The following ZNF43 variants were observed in gnomAD, a reference collection of about 807,000 sequenced individuals.
The protein encoded by ZNF43 is zinc finger protein 39-like 1 (KOX 27).
ZNF43 carries 44 observed loss-of-function variants against 68.4 expected under a neutral mutation model. That is an observed-to-expected ratio of 0.64 (90% confidence interval 0.51 to 0.83). The LOEUF (loss-of-function observed/expected upper bound fraction) is 0.83. ZNF43 is among the 40% of genes least tolerant of loss of function. The pLI is 0.00. For missense variants in ZNF43, 896 were observed against 933.2 expected, an observed-to-expected ratio of 0.96 and a Z score of 0.52; for synonymous variants, 308 against 307.8, an observed-to-expected ratio of 1.00 and a Z score of -0.01.
At chr19:21,833,729 A>G (rs889623303) in intron 1 of ZNF43, among the ~76,000 whole-genome samples, 2 of 151,712 alleles carry the variant, frequency 1.3e-5, no homozygotes, top group Admixed American at 1.3e-4. Flanking sequence ...ACCTAAAAAC[A>G]TTCTGAAAAA....
chr19:21,838,320 T>C (rs1967258673), upstream of ZNF43, among the ~76,000 whole-genome samples: 2 of 152,122 alleles, frequency 1.3e-5, no homozygotes, highest in Admixed American at 1.3e-4. Context: ...TCTTTCATTA[T>C]CAAGTGTAGA....
Position 21,808,040 on chromosome 19 carries a change from G to A in ZNF43, c.1997C>T (p.Thr666Ile). ...GKAFKWSSTL[T>I]KHKIIHTGEK... ...TCCAGTATGAATTATCTTATGTTTA[G>A]TAAGGGTTGAGGACCACTTAAAGGC... Residue 666 changes from threonine (T) to isoleucine (I), a missense_variant, in exon 4 of 4, where the codon ACT becomes ATT. Physicochemically the swap from Thr to Ile is moderately conservative, Grantham distance 89. Coordinates refer to ENST00000354959, the MANE Select transcript of ZNF43 (RefSeq NM_003423.4). The A allele has an allele frequency of 6.2e-7, 1 of 1,612,428 alleles. No homozygotes were observed. The highest frequency in any genetic ancestry group is 8.5e-7 in the Non-Finnish European group (1 of 1,179,796).
At chr19:21,837,409 CACTT>C (rs1967185669), upstream of ZNF43, among the ~76,000 whole-genome samples, 3 of 142,284 alleles carry the variant, frequency 2.1e-5, no homozygotes, top group Non-Finnish European at 3.0e-5. Flanking sequence ...CATTTGCCTA[CACTT>C]ACTTTTTTTT....
In ZNF43 at chr19:21,807,635, G is replaced by C; in HGVS notation, c.2402C>G (p.Thr801Arg). Residue 801 changes from threonine to arginine, a missense_variant, in exon 4 of 4, where the codon ACA becomes AGA. By Grantham distance (71) the Thr-to-Arg change is moderately conservative (BLOSUM62 -1). Coordinates refer to ENST00000354959, the MANE Select transcript of ZNF43 (RefSeq NM_003423.4). ...TTTTATGTTTGAAAAAGTTTGAGGTGTTGTCAAAATCACTGTCACATCTTC... is the reference window on the plus strand; with the variant it reads ...TTTTATGTTTGAAAAAGTTTGAGGTCTTGTCAAAATCACTGTCACATCTTC... ...KPEDVTVILTTPQTFSNIK is the reference protein window; with the variant it reads ...KPEDVTVILTRPQTFSNIK The C allele has an allele frequency of 1.3e-6, 2 of 1,556,394 alleles. No homozygotes were observed. The highest frequency in any genetic ancestry group is 2.4e-5 in the South Asian group (2 of 81,636).
intron 1 of ZNF43, among the ~76,000 whole-genome samples, chr19:21,846,928 G>A (rs2145421715): frequency 6.6e-6 from 1 of 152,302 alleles, no homozygotes; most frequent in South Asian, 2.1e-4. Context: ...TCAGTGCAGG[G>A]CCTAGCAATA....
chr19:21,837,415 C>CTTT (rs539940868), upstream of ZNF43, among the ~76,000 whole-genome samples: 226 of 83,982 alleles, frequency 2.7e-3, 31 homozygotes, highest in African/African-American at 8.4e-3. Context: ...CCTACACTTA[C>CTTT]TTTTTTTTTT....
At chr19:21,836,757 TATC>T (rs1012172865), upstream of ZNF43, among the ~76,000 whole-genome samples, 10 of 152,084 alleles carry the variant, frequency 6.6e-5, no homozygotes, top group African/African-American at 1.9e-4. Flanking sequence ...GCTAATTTGT[TATC>T]ATATTTTTAT....
chr19:21,819,309 A>G, intron 1 of ZNF43, 88 bp from the exon 2 acceptor site: 2 of 1,431,592 alleles, frequency 1.4e-6, no homozygotes, highest in Non-Finnish European at 1.9e-6. Flanking sequence ...AGGTAAAATG[A>G]GAGAGTAAAG....
chr19:21,843,666 G>A (rs1967696986), intron 1 of ZNF43, among the ~76,000 whole-genome samples: 1 of 152,132 alleles, frequency 6.6e-6, no homozygotes, highest in Non-Finnish European at 1.5e-5. Context: ...GCGGGCGCCT[G>A]TAATCCCAGC....
At chr19:21,850,328 C>T (rs1028391276) in intron 1 of ZNF43, among the ~76,000 whole-genome samples, 2 of 151,656 alleles carry the variant, frequency 1.3e-5, no homozygotes, top group South Asian at 2.1e-4. Context: ...TTCGGGAGGC[C>T]GAAGCAGGTG....
chr19:21,809,866 T>A lies in ZNF43; in HGVS notation c.230-59A>T, dbSNP rs1312582787. On this transcript the variant is annotated intron_variant, in intron 3 of 3. Coordinates refer to ENST00000354959, the MANE Select transcript of ZNF43 (RefSeq NM_003423.4). ...TGCTAGACTCAGAGATAAATATACTTTATGTAACATATAAAATCACACAAG... is the reference window on the plus strand; with the variant it reads ...TGCTAGACTCAGAGATAAATATACTATATGTAACATATAAAATCACACAAG... 16 of 1,421,666 alleles carry A rather than the reference T, an allele frequency of 1.1e-5. No individual in the cohort carries two copies. In the African/African-American group the frequency reaches 2.0e-4, roughly 18 times the overall value. The allele number at this position is 1,421,666 out of a possible 1,614,324, so 88.1% of individuals were successfully genotyped here.
Position 21,809,246 on chromosome 19 carries a change from C to A in ZNF43, c.791G>T (p.Gly264Val), listed in dbSNP as rs1206220906. ...RYKLYKCEEC[G>V]KAFNKSSILT... Reference sequence around the variant, plus strand: ...GATTGAGGACTTGTTAAAAGCTTTGCCACATTCTTCACATTTGTAGAGTTT... The same window carrying A: ...GATTGAGGACTTGTTAAAAGCTTTGACACATTCTTCACATTTGTAGAGTTT... Residue 264 changes from glycine to valine, a missense_variant, in exon 4 of 4, where the codon GGC becomes GTC. By Grantham distance (109) the Gly-to-Val change is moderately radical. Transcript: ENST00000354959. The A allele has an allele frequency of 6.2e-7, 1 of 1,613,014 alleles. No individual in the cohort carries two copies. The highest frequency in any genetic ancestry group is 1.1e-5 in the South Asian group (1 of 91,024).
chr19:21,815,296 C>G (rs1002516066), intron 3 of ZNF43, among the ~76,000 whole-genome samples: 1 of 151,772 alleles, frequency 6.6e-6, no homozygotes, highest in South Asian at 2.1e-4. Context: ...TTGGCATGAA[C>G]TGTACAGCAG....
At chr19:21,819,542 G>A (rs996807944) in intron 1 of ZNF43, among the ~76,000 whole-genome samples, 1 of 152,158 alleles carries the variant, frequency 6.6e-6, no homozygotes, top group Non-Finnish European at 1.5e-5. Context: ...TACAGAATCA[G>A]TTGCGAATAT....
chr19:21,837,206 T>C (rs528565913), upstream of ZNF43, among the ~76,000 whole-genome samples: 12 of 152,182 alleles, frequency 7.9e-5, no homozygotes, highest in African/African-American at 2.9e-4. Flanking sequence ...TCCCATGATA[T>C]AGTATTACTT....
At position 21,823,911 on chromosome 19, in the gene ZNF43, G is replaced by A. The variant is rs574454388; in HGVS notation, c.4-4690C>T. Among the ~76,000 whole-genome samples the A allele has an allele frequency of 3.3e-5, 5 of 152,168 alleles. No individual in the cohort carries two copies. In the South Asian group the frequency reaches 8.3e-4, roughly 25 times the overall value. On this transcript the variant is annotated intron_variant, in intron 1 of 3. Transcript: ENST00000354959. ...AGAAAATAGAACTGCCTGGCCAGGC[G>A]CAGTGGCTCACGAATGTAATCCCAG...
chr19:21,812,533 C>T (rs1167734789), intron 3 of ZNF43, among the ~76,000 whole-genome samples: 1 of 132,396 alleles, frequency 7.6e-6, no homozygotes, highest in Admixed American at 7.6e-5. Context: ...TAAAAAGACA[C>T]AAAATTACAA....
chr19:21,830,885 A>G (rs2038393688), intron 1 of ZNF43, among the ~76,000 whole-genome samples: 1 of 152,222 alleles, frequency 6.6e-6, no homozygotes, highest in Non-Finnish European at 1.5e-5. Context: ...CCAGCAGCAC[A>G]TCAAAAAGCT....
At chr19:21,821,138 ATTTTTTTTTTTTTT>A (rs74174043) in intron 1 of ZNF43, among the ~76,000 whole-genome samples, 3 of 118,560 alleles carry the variant, frequency 2.5e-5, no homozygotes, top group Non-Finnish European at 5.1e-5. Context: ...CCCGGCTGTA[ATTTTTTTTTTTTTT>A]TTTTTTTTTT....
Sources: allele counts gnomAD v4.1 joint callset (sites outside exome capture counted in the v4.1 genomes callset), GRCh38; gene constraint gnomAD v4.1.1; transcripts MANE v1.5; gene names NCBI Gene and HGNC (gene_info 2026-07-23, HGNC 2026-07-21).